The following SHROOM4 variants were observed in gnomAD, a reference collection of about 807,000 sequenced individuals.
SHROOM4 encodes the protein protein Shroom4.
A neutral mutation model predicts 80.3 loss-of-function variants in SHROOM4; 17 were observed. The ratio of observed to expected loss-of-function variants is 0.21; its 90% confidence interval spans 0.14 to 0.32. The LOEUF is 0.32. SHROOM4 is among the 10% of genes least tolerant of loss of function. SHROOM4 has a pLI of 1.00. For synonymous variants in SHROOM4, 400 were observed against 437.5 expected, an observed-to-expected ratio of 0.91 and a Z score of 1.07; for missense variants, 993 against 1,140.3, an observed-to-expected ratio of 0.87 and a Z score of 1.86.
intron 1 of SHROOM4, among the ~76,000 whole-genome samples, chrX:50,813,169 C>CGGCAGT (rs1456916779): frequency 3.7e-5 from 4 of 108,595 alleles, no homozygotes; most frequent in African/African-American, 1.3e-4. Flanking sequence ...GTGGCGGCGG[C>CGGCAGT]GGCGGCGGCG....
intron 1 of SHROOM4, among the ~76,000 whole-genome samples, chrX:50,779,061 TATA>T (rs781866963): frequency 1.3e-3 from 149 of 112,265 alleles, no homozygotes; most frequent in Admixed American, 2.2e-3. Context: ...AGAAGGTAAT[TATA>T]ATAAGTATTT....
rs184177184 is a variant in SHROOM4, at chrX:50,619,551, G to C, written c.2957+8063C>G. On this transcript the variant is annotated intron_variant, in intron 5 of 8. Transcript: ENST00000376020. ...AACAATTAGCTTGGCAACAACAAAT[G>C]CAAGTGGCAGTGCTTGCCCTGAACC... Among the ~76,000 whole-genome samples, 34 of 111,818 alleles carry C rather than the reference G, an allele frequency of 3.0e-4. No homozygotes were observed. In the East Asian group the frequency reaches 8.8e-3, roughly 29 times the overall value.
intron 5 of SHROOM4, among the ~76,000 whole-genome samples, chrX:50,616,556 A>G (rs1360471447): frequency 8.9e-6 from 1 of 112,059 alleles, no homozygotes; most frequent in Non-Finnish European, 1.9e-5. Context: ...ACATGATCCA[A>G]CTTTCATTGG....
intron 1 of SHROOM4, among the ~76,000 whole-genome samples, chrX:50,780,573 GCACT>G (rs1261938723): frequency 1.8e-5 from 2 of 111,643 alleles, no homozygotes; most frequent in African/African-American, 6.5e-5. Context: ...TGGCACAAAA[GCACT>G]ATATGGGTTA....
chrX:50,602,916 AGGAGTTG>A, intron 6 of SHROOM4, 103 bp from the exon 7 acceptor site: 1 of 820,094 alleles, frequency 1.2e-6, no homozygotes, highest in Admixed American at 2.7e-5. Flanking sequence ...TGCTTCACCA[AGGAGTTG>A]AAAAAAATGG....
intron 5 of SHROOM4, among the ~76,000 whole-genome samples, chrX:50,619,364 T>C (rs782215727): frequency 9.0e-6 from 1 of 111,203 alleles, no homozygotes; most frequent in Non-Finnish European, 1.9e-5. Flanking sequence ...CAAGTAAGAC[T>C]GCTCCAAGAG....
chrX:50,629,655 T>G (rs975507036), intron 4 of SHROOM4, among the ~76,000 whole-genome samples: 3 of 111,557 alleles, frequency 2.7e-5, no homozygotes, highest in Non-Finnish European at 5.6e-5. Context: ...TCCTCAGCTG[T>G]AAAATGGGAG....
chrX:50,785,237 T>A (rs1015741504), intron 1 of SHROOM4, among the ~76,000 whole-genome samples: 2 of 111,862 alleles, frequency 1.8e-5, no homozygotes, highest in Non-Finnish European at 3.8e-5. Context: ...ACCTACCATA[T>A]GACCCAGCCA....
At chrX:50,703,114 T>C (rs782560954) in intron 1 of SHROOM4, among the ~76,000 whole-genome samples, 1 of 111,467 alleles carries the variant, frequency 9.0e-6, no homozygotes. Flanking sequence ...GTATTCATCC[T>C]CCCTACCTCT....
chrX:50,742,197 G>A (rs1215557351), intron 1 of SHROOM4, among the ~76,000 whole-genome samples: 3 of 109,861 alleles, frequency 2.7e-5, no homozygotes, highest in Non-Finnish European at 5.7e-5. Context: ...ACTGTTTTAT[G>A]CTGTTGCTTT....
At chrX:50,812,259 T>A (rs1380648821) in intron 1 of SHROOM4, among the ~76,000 whole-genome samples, 3 of 101,293 alleles carry the variant, frequency 3.0e-5, no homozygotes, top group Non-Finnish European at 4.0e-5. Flanking sequence ...AGGAGCTTGA[T>A]TAGAAGAAAT....
intron 1 of SHROOM4, among the ~76,000 whole-genome samples, chrX:50,785,355 T>TGAATAAC: frequency 8.9e-6 from 1 of 111,886 alleles, no homozygotes; most frequent in Non-Finnish European, 1.9e-5. Flanking sequence ...CATAGCAGCT[T>TGAATAAC]TATTCATAAT....
chrX:50,684,584 G>GA (rs782086669), intron 2 of SHROOM4, among the ~76,000 whole-genome samples: 2 of 111,934 alleles, frequency 1.8e-5, no homozygotes, highest in African/African-American at 6.5e-5. Context: ...CCTGTGAAAG[G>GA]AAAAAAGAGC....
chrX:50,722,630 G>A (rs916376489), intron 1 of SHROOM4, among the ~76,000 whole-genome samples: 10 of 109,532 alleles, frequency 9.1e-5, no homozygotes, highest in Admixed American at 5.8e-4. Context: ...GCTTCCTTCC[G>A]TCCATCCTTC....
At chrX:50,612,845 A>C (rs781803087) in intron 5 of SHROOM4, among the ~76,000 whole-genome samples, 1 of 111,407 alleles carries the variant, frequency 9.0e-6, no homozygotes, top group African/African-American at 3.3e-5. Flanking sequence ...GATAAAAAAA[A>C]AACCTAACAG....
chrX:50,799,678 A>C (rs1671155685), intron 1 of SHROOM4, among the ~76,000 whole-genome samples: 1 of 112,084 alleles, frequency 8.9e-6, no homozygotes, highest in East Asian at 2.8e-4. Context: ...GCTTAAGAAA[A>C]AGTGAAAACA....
chrX:50,732,072 G>T lies in SHROOM4; in HGVS notation c.118-36135C>A, dbSNP rs940080364. Among the ~76,000 whole-genome samples the T allele has an allele frequency of 3.6e-5, 4 of 111,761 alleles. No individual in the cohort carries two copies. In the South Asian group the frequency reaches 1.1e-3, roughly 32 times the overall value. ...CACACTCAGATTAGATAAATTTGTA[G>T]AAGAATTCTTGTCCTAGGGAGTTGT... On this transcript the variant is annotated intron_variant, in intron 1 of 8. Transcript: ENST00000376020.
At chrX:50,581,954 T>G (rs187042404), downstream of SHROOM4, among the ~76,000 whole-genome samples, 22 of 111,608 alleles carry the variant, frequency 2.0e-4, no homozygotes, top group East Asian at 4.5e-3. Context: ...TGCCTCTCTG[T>G]GGGGGAAAAT....
chrX:50,767,815 C>T (rs782065986), intron 1 of SHROOM4, among the ~76,000 whole-genome samples: 2 of 111,721 alleles, frequency 1.8e-5, no homozygotes, highest in South Asian at 7.5e-4. Flanking sequence ...ATGGAAACAC[C>T]TTTGATCAAG....
Sources: allele counts gnomAD v4.1 joint callset (sites outside exome capture counted in the v4.1 genomes callset), GRCh38; gene constraint gnomAD v4.1.1; transcripts MANE v1.5; gene names NCBI Gene and HGNC (gene_info 2026-07-23, HGNC 2026-07-21).